LAMA3: variants seen among roughly 807,000 people sequenced by gnomAD.
LAMA3 encodes laminin subunit alpha-3.
LAMA3 carries 281 observed loss-of-function variants against 402.0 expected under a neutral mutation model. The ratio of observed to expected loss-of-function variants is 0.70; its 90% CI spans 0.63 to 0.77. LAMA3 has a LOEUF of 0.77. Ranked by LOEUF, LAMA3 falls within the 30% of genes least tolerant of loss-of-function variation. LAMA3 has a pLI of 0.00. For synonymous variants in LAMA3, 1,431 were observed against 1,558.4 expected, an observed-to-expected ratio of 0.92 and a Z score of 1.93; for missense variants, 3,840 against 4,215.5, an observed-to-expected ratio of 0.91 and a Z score of 2.47.
At chr18:23,934,725 G>A (rs2082262846) in intron 67 of LAMA3, among the ~76,000 whole-genome samples, 1 of 152,210 alleles carries the variant, frequency 6.6e-6, no homozygotes, top group Non-Finnish European at 1.5e-5. Context: ...ATGCTGCAGT[G>A]CAGAAAGGTA....
At chr18:23,800,908 G>A (rs938374947) in intron 12 of LAMA3, among the ~76,000 whole-genome samples, 4 of 151,928 alleles carry the variant, frequency 2.6e-5, no homozygotes, top group Non-Finnish European at 5.9e-5. Context: ...TATATACCTC[G>A]TTTTCTTTAT....
chr18:23,868,176 G>C (rs1167015386), intron 37 of LAMA3, among the ~76,000 whole-genome samples: 1 of 152,094 alleles, frequency 6.6e-6, no homozygotes. Context: ...TTTCAGATTA[G>C]AAATTCTCAG....
chr18:23,725,090 AGTATAACAGT>A (rs1341184412), intron 2 of LAMA3, among the ~76,000 whole-genome samples: 2 of 151,296 alleles, frequency 1.3e-5, no homozygotes, highest in Non-Finnish European at 2.9e-5. Context: ...ACCTTTTCTA[AGTATAACAGT>A]ATAACTCACC....
At chr18:23,799,781 C>T (rs1365144141) in intron 12 of LAMA3, among the ~76,000 whole-genome samples, 2 of 152,156 alleles carry the variant, frequency 1.3e-5, no homozygotes, top group African/African-American at 4.8e-5. Flanking sequence ...TTGGCTCATG[C>T]GATTGCGAGG....
Position 23,857,717 on chromosome 18 carries a change from A to AT in LAMA3, c.4137-127_4137-126insT. On this transcript the variant is annotated intron_variant, in intron 32 of 74. Transcript: ENST00000313654. Reference sequence around the variant, plus strand: ...TCTGCCTCTCTCCATTCTGCCTTGGACTATAAGCAGGCATTGTATCTATTT... The same window carrying AT: ...TCTGCCTCTCTCCATTCTGCCTTGGATCTATAAGCAGGCATTGTATCTATTT... The AT allele has an allele frequency of 2.6e-6, 3 of 1,171,662 alleles. No homozygotes were observed. The Admixed American group carries it at 5.1e-5, about 20-fold the overall frequency. The allele number at this position is 1,171,662 out of a possible 1,614,324, so 72.6% of individuals were successfully genotyped here. A position where few individuals can be genotyped will look rare whatever the true frequency, so the allele number is the denominator to read the frequency against.
chr18:23,751,041 G>A lies in LAMA3; in HGVS notation c.808G>A (p.Gly270Arg). The stretch of plus-strand genomic sequence containing the variant: ...TTTTCTTAGAACCAATACGCTTCTT[G>A]GACACCTCATCTCCAAAGCCCAGCG... ...LRFLRTNTLL[G>R]HLISKAQRDP... is the part of the protein sequence containing the mutation. The change falls in exon 5 of 75, where the codon GGA (glycine) becomes AGA (arginine). Residue 270 changes from glycine to arginine, a missense_variant. Physicochemically the swap from Gly to Arg is moderately radical, Grantham distance 125 (BLOSUM62 -2). Coordinates refer to ENST00000313654, the MANE Select transcript of LAMA3 (RefSeq NM_198129.4). The A allele has an allele frequency of 6.2e-7, 1 of 1,614,068 alleles. No homozygotes were observed.
chr18:23,830,025 A>G (rs1272230268), intron 23 of LAMA3, among the ~76,000 whole-genome samples: 1 of 152,048 alleles, frequency 6.6e-6, no homozygotes, highest in African/African-American at 2.4e-5. Context: ...TATTCTCTTA[A>G]CTCTGCATGA....
chr18:23,818,375 A>G (rs886905657), intron 18 of LAMA3, among the ~76,000 whole-genome samples: 2 of 152,252 alleles, frequency 1.3e-5, no homozygotes, highest in African/African-American at 2.4e-5. Flanking sequence ...GCACACATAC[A>G]TATATCTTCA....
intron 52 of LAMA3, among the ~76,000 whole-genome samples, chr18:23,906,817 A>G (rs894770397): frequency 1.3e-5 from 2 of 152,214 alleles, no homozygotes; most frequent in African/African-American, 4.8e-5. Flanking sequence ...AGTGTGCTAA[A>G]CAGGGTTAGG....
chr18:23,842,699 G>A lies in LAMA3; in HGVS notation c.3552G>A (p.Glu1184=). 2 of 1,614,226 alleles carry A rather than the reference G, an allele frequency of 1.2e-6. No individual in the cohort carries two copies. The highest frequency in any genetic ancestry group is 8.5e-7 in the Non-Finnish European group (1 of 1,180,040). The part of the protein sequence containing the change: ...AEGQIEFDIS[E]PEVAATVKVP... ...GCCAGATTGAGTTTGACATCTCAGA[G>A]CCTGAAGTGGCCGCAACTGTGAAGG... The change falls in exon 29 of 75, where the codon GAG becomes GAA. Residue 1184 remains glutamate, a synonymous_variant. Transcript: ENST00000313654.
chr18:23,909,008 G>A (rs1568330652), intron 54 of LAMA3, 145 bp from the exon 55 acceptor site: 1 of 747,624 alleles, frequency 1.3e-6, no homozygotes, highest in Non-Finnish European at 2.3e-6. Context: ...GGTAAGGGGG[G>A]AACTACCGTA....
chr18:23,917,073 A>T (rs2081655346), intron 60 of LAMA3, among the ~76,000 whole-genome samples: 1 of 151,910 alleles, frequency 6.6e-6, no homozygotes, highest in African/African-American at 2.4e-5. Context: ...CTTTGCGTCC[A>T]TGTGTACTCA....
Position 23,791,965 on chromosome 18 carries a change from A to G in LAMA3, c.1603+7808A>G, listed in dbSNP as rs561195314. 2.0e-5 allele frequency among the ~76,000 whole-genome samples: 3 copies of G among 152,306 alleles called. No individual in the cohort carries two copies. The East Asian group carries it at 5.8e-4, about 29-fold the overall frequency. ...AACATTGAAGTATTGTCCCTGAACA[A>G]TGATATATACAAAATTCCAAGGCCA... On this transcript the variant is annotated intron_variant, in intron 12 of 74. Transcript: ENST00000313654.
intron 30 of LAMA3, 40 bp downstream of exon 30, chr18:23,845,164 C>T (rs1350957198): frequency 8.4e-7 from 1 of 1,187,058 alleles, no homozygotes; most frequent in East Asian, 2.3e-5. Context: ...AATGCAGAGG[C>T]ACTCCCACAT....
chr18:23,712,846 T>C (rs1004272501), intron 1 of LAMA3, among the ~76,000 whole-genome samples: 5 of 151,764 alleles, frequency 3.3e-5, no homozygotes, highest in Admixed American at 2.6e-4. Flanking sequence ...TAAGTTTGCC[T>C]CTTTGTCCCC....
chr18:23,837,570 G>GAGATATATATATATAT (rs1555707624), intron 25 of LAMA3, among the ~76,000 whole-genome samples: 2 of 83,286 alleles, frequency 2.4e-5, no homozygotes, highest in African/African-American at 9.0e-5. Context: ...CAGTTAATCA[G>GAGATATATATATATAT]ATATATATAT....
At chr18:23,829,656 C>T (rs1273669057) in intron 23 of LAMA3, among the ~76,000 whole-genome samples, 3 of 152,124 alleles carry the variant, frequency 2.0e-5, no homozygotes, top group Admixed American at 6.6e-5. Flanking sequence ...TTTAGGGGTA[C>T]AAGTACAAGT....
chr18:23,760,239 A>G (rs1775764036), intron 7 of LAMA3, among the ~76,000 whole-genome samples: 1 of 152,212 alleles, frequency 6.6e-6, no homozygotes, highest in African/African-American at 2.4e-5. Context: ...TGAAAATCAG[A>G]CCTATCAGGA....
chr18:23,702,648 G>GTTGTT (rs1426176679), intron 1 of LAMA3, among the ~76,000 whole-genome samples: 1 of 152,170 alleles, frequency 6.6e-6, no homozygotes, highest in African/African-American at 2.4e-5. Flanking sequence ...TCCTTACCTG[G>GTTGTT]TTGTGTCTGA....
Sources: allele counts gnomAD v4.1 joint callset (sites outside exome capture counted in the v4.1 genomes callset), GRCh38; gene constraint gnomAD v4.1.1; transcripts MANE v1.5; gene names NCBI Gene and HGNC (gene_info 2026-07-23, HGNC 2026-07-21).